POR: variants seen among roughly 807,000 people sequenced by gnomAD.
POR encodes NADPH--cytochrome P450 reductase.
In POR, 56 loss-of-function variants were observed where a neutral mutation model predicts 84.0. That is an observed-to-expected ratio of 0.67 (90% CI 0.54 to 0.83). The LOEUF (loss-of-function observed/expected upper bound fraction) is 0.83, where lower values mean the gene tolerates loss of function less well. Among genes scored for constraint, POR ranks in the 40% least tolerant of loss-of-function variants. The pLI is 0.00. For synonymous variants in POR, 414 were observed against 400.5 expected, an observed-to-expected ratio of 1.03 and a Z score of -0.40; for missense variants, 938 against 944.3, an observed-to-expected ratio of 0.99 and a Z score of 0.09.
intron 1 of POR, among the ~76,000 whole-genome samples, chr7:75,920,956 C>T (rs1194849899): frequency 1.3e-5 from 2 of 152,102 alleles, no homozygotes; most frequent in Admixed American, 1.3e-4. Flanking sequence ...TGGAGAAAAG[C>T]CACTGTTGGT....
At chr7:75,983,924 C>G in intron 10 of POR, 68 bp downstream of exon 10, 3 of 1,266,800 alleles carry the variant, frequency 2.4e-6, no homozygotes, top group Non-Finnish European at 3.3e-6. Context: ...TAGGAAGGCC[C>G]TGGGTTGAGC....
In POR at chr7:75,980,486, G is replaced by T; in HGVS notation, c.514G>T (p.Ala172Ser). The change falls in exon 5 of 16, where the codon GCG becomes TCG. Residue 172 changes from alanine to serine, a missense_variant and splice_region_variant. By Grantham distance (99) the Ala-to-Ser change is moderately conservative. Transcript: ENST00000461988. ...CGTGGATCTCTCTGGGGTCAAGTTCGCGGTGAGTCACCCAGAGACTGCTAT... is the reference window on the plus strand; with the variant it reads ...CGTGGATCTCTCTGGGGTCAAGTTCTCGGTGAGTCACCCAGAGACTGCTAT... 6.2e-7 allele frequency: 1 copy of T among 1,612,858 alleles called. No homozygotes were observed. Among genetic ancestry groups the T allele is most frequent in the African/African-American group, 1.3e-5 (1 of 74,996 alleles).
chr7:75,963,608 G>A (rs551039394), intron 2 of POR, among the ~76,000 whole-genome samples: 1 of 152,212 alleles, frequency 6.6e-6, no homozygotes, highest in South Asian at 2.1e-4. Flanking sequence ...AGTGGGACAT[G>A]TGCTCTACTG....
rs376675118 is a variant in POR at position 75,984,973 on chromosome 7, C to T, written c.1248+15C>T. The T allele has an allele frequency of 2.5e-6, 4 of 1,576,490 alleles. No homozygotes were observed. Among genetic ancestry groups the T allele is most frequent in the African/African-American group, 1.3e-5 (1 of 74,540 alleles). ...GCGAGGGCAAGGTGCGCCCCCTCAGCCCCCGCAACCTCCGCCCCGTCACCC... is the reference window on the plus strand; with the variant it reads ...GCGAGGGCAAGGTGCGCCCCCTCAGTCCCCGCAACCTCCGCCCCGTCACCC... On this transcript the variant is annotated intron_variant, in intron 11 of 15. Transcript: ENST00000461988.
At position 75,960,178 on chromosome 7, in the gene POR, C is replaced by G. The variant is rs968012792; in HGVS notation, c.188+5998C>G. ...CGGTAGCATACGCTTGTAGTCCCAG[C>G]TACTCAGGAGGCTGAGGTGAGAGGA... On this transcript the variant is annotated intron_variant, in intron 2 of 15. Transcript: ENST00000461988. Among the ~76,000 whole-genome samples, 3 of 152,156 alleles carry G rather than the reference C, an allele frequency of 2.0e-5. No individual in the cohort carries two copies. In the East Asian group the frequency reaches 5.8e-4, roughly 29 times the overall value.
intron 1 of POR, among the ~76,000 whole-genome samples, chr7:75,932,121 G>A (rs1554550198): frequency 6.6e-6 from 1 of 152,072 alleles, no homozygotes; most frequent in Non-Finnish European, 1.5e-5. Context: ...AGTAAGTCAG[G>A]GACCTTGAAA....
intron 2 of POR, chr7:75,967,706 C>A: frequency 9.0e-6 from 2 of 221,804 alleles, no homozygotes; most frequent in South Asian, 1.3e-4. Context: ...TAAACAGTTA[C>A]CAAGGAGACC....
At chr7:75,944,255 A>G (rs13239263) in intron 1 of POR, among the ~76,000 whole-genome samples, 4,591 of 152,342 alleles carry the variant, frequency 0.03, 96 homozygotes, top group Non-Finnish European at 0.049. Context: ...GGCTGGGTGC[A>G]ATGGCTTACA....
At chr7:75,979,298 G>C (rs1288330779) in intron 3 of POR, among the ~76,000 whole-genome samples, 153 bp from the exon 4 acceptor site, 1 of 152,220 alleles carries the variant, frequency 6.6e-6, no homozygotes. Flanking sequence ...ACAGTGAGAA[G>C]CAAGTCCCAG....
intron 1 of POR, chr7:75,923,434 C>T: frequency 1.7e-6 from 1 of 591,234 alleles, no homozygotes; most frequent in Non-Finnish European, 3.1e-6. Context: ...AGCTCATCCG[C>T]CAGCTGAACT....
chr7:75,926,302 A>C (rs1162758242), intron 1 of POR, among the ~76,000 whole-genome samples: 1 of 151,648 alleles, frequency 6.6e-6, no homozygotes, highest in Non-Finnish European at 1.5e-5. Context: ...GACCCCTGCT[A>C]TTTTTCCTGT....
intron 1 of POR, among the ~76,000 whole-genome samples, chr7:75,940,000 A>C (rs1585095079): frequency 6.6e-6 from 1 of 151,910 alleles, no homozygotes; most frequent in African/African-American, 2.4e-5. Context: ...TGCAGGGCTC[A>C]AGTGATCTCC....
intron 2 of POR, among the ~76,000 whole-genome samples, chr7:75,959,062 G>A (rs1787816410): frequency 6.6e-6 from 1 of 152,160 alleles, no homozygotes; most frequent in African/African-American, 2.4e-5. Flanking sequence ...GGGACATTCA[G>A]CCTGTAGATG....
At chr7:75,951,088 A>G (rs1263602347) in intron 1 of POR, among the ~76,000 whole-genome samples, 50 of 101,616 alleles carry the variant, frequency 4.9e-4, no homozygotes, top group Non-Finnish European at 8.6e-4. Context: ...AAAAAAAAAA[A>G]GTCATATCAA....
rs1489904713 is a variant in POR at position 75,981,128 on chromosome 7, C to T, written c.597C>T (p.Gly199=). 1.6e-5 allele frequency: 25 copies of T among 1,557,320 alleles called. No homozygotes were observed. Among genetic ancestry groups the T allele is most frequent in the African/African-American group, 5.5e-5 (4 of 73,360 alleles). The change falls in exon 6 of 16, where the codon GGC becomes GGT. Residue 199 remains glycine (G), a synonymous_variant. Coordinates refer to ENST00000461988, the MANE Select transcript of POR (RefSeq NM_000941.3). ...TGGACAAGCGGCTGGAGCAGCTCGG[C>T]GCCCAGCGCATCTTTGAGCTGGGGT...
Position 75,962,904 on chromosome 7 carries a change from T to G in POR, c.188+8724T>G, listed in dbSNP as rs185037461. ...GTCAGCTCCCTTTCCATTCCTAAGC[T>G]TCCCTTCCATCCCGTTTCTTCCTTG... On this transcript the variant is annotated intron_variant, in intron 2 of 15. Coordinates refer to ENST00000461988, the MANE Select transcript of POR (RefSeq NM_000941.3). 6.3e-3 allele frequency among the ~76,000 whole-genome samples: 959 copies of G among 152,310 alleles called. 7 individuals are homozygous for G. Among genetic ancestry groups the G allele is most frequent in the Middle Eastern group, 0.031 (9 of 294 alleles).
chr7:75,919,249 CTG>C (rs782498859), intron 1 of POR, among the ~76,000 whole-genome samples: 2 of 152,112 alleles, frequency 1.3e-5, no homozygotes, highest in Non-Finnish European at 2.9e-5. Flanking sequence ...GAAATTTTTA[CTG>C]TGTCTAAATT....
intron 2 of POR, among the ~76,000 whole-genome samples, chr7:75,963,008 A>G (rs1788010221): frequency 6.6e-6 from 1 of 152,190 alleles, no homozygotes; most frequent in African/African-American, 2.4e-5. Context: ...TTGAAAAGCC[A>G]CAAAAGATCT....
At position 75,985,153 on chromosome 7, in the gene POR, T is replaced by C. The variant is rs782425841; in HGVS notation, c.1344T>C (p.Cys448=). Residue 448 remains cysteine, a synonymous_variant, in exon 12 of 16, where the codon TGT becomes TGC. Coordinates refer to ENST00000461988, the MANE Select transcript of POR (RefSeq NM_000941.3). ...TGCGGCCCCCCATCGACCACCTGTGTGAGCTGCTGCCGCGCCTGCAGGCCC... is the reference window on the plus strand; with the variant it reads ...TGCGGCCCCCCATCGACCACCTGTGCGAGCTGCTGCCGCGCCTGCAGGCCC... The C allele has an allele frequency of 1.9e-6, 3 of 1,599,562 alleles. No homozygotes were observed. The highest frequency in any genetic ancestry group is 1.7e-5 in the Admixed American group (1 of 59,968).
Sources: gnomAD v4.1 joint callset for allele counts (sites outside exome capture counted in the v4.1 genomes callset) on GRCh38, gnomAD v4.1.1 for gene constraint, MANE v1.5 for transcripts, NCBI Gene and HGNC (gene_info 2026-07-23, HGNC 2026-07-21) for gene names.